Variants in RPL6 observed in about 807,000 individuals in gnomAD.
RPL6 encodes the protein ribosomal protein L6.
RPL6 carries 1 observed loss-of-function variant against 32.1 expected under a neutral mutation model. That is an observed-to-expected ratio of 0.03 (90% CI 0.01 to 0.15). RPL6 has a LOEUF of 0.15. RPL6 is among the 10% of genes least tolerant of loss of function. The pLI is 1.00. For missense variants in RPL6, 275 were observed against 354.6 expected (o/e 0.78, Z 1.80); for synonymous variants, 126 against 131.6 (o/e 0.96, Z 0.29).
At chr12:112,418,766 TG>T (rs1790518705) in exon 1 of RPL6, 3 of 412,146 alleles carry the variant, frequency 7.3e-6, no homozygotes, top group Non-Finnish European at 1.3e-5. Flanking sequence ...AAGGATGCTT[TG>T]GACACTGTGC....
At chr12:112,409,630 A>C (rs937935312), upstream of RPL6, 3 of 397,422 alleles carry the variant, frequency 7.5e-6, no homozygotes, top group Non-Finnish European at 1.3e-5. Context: ...CTTCCGGTCT[A>C]TAAGCAATCA....
chr12:112,410,366 A>C (rs2037321311), upstream of RPL6: 2 of 269,570 alleles, frequency 7.4e-6, no homozygotes, highest in African/African-American at 4.5e-5. Context: ...GGCCTTTCTC[A>C]TTCCCGTCCT....
At chr12:112,416,133 ATTT>A (rs1168421826) in intron 1 of RPL6, among the ~76,000 whole-genome samples, 2 of 51,050 alleles carry the variant, frequency 3.9e-5, no homozygotes, top group African/African-American at 8.1e-5. Flanking sequence ...TAAATTTTGT[ATTT>A]TTTTTTTTTT....
intron 1 of RPL6, 62 bp from the exon 2 acceptor site, chr12:112,408,718 A>C (rs1282254774): frequency 1.4e-6 from 2 of 1,403,720 alleles, no homozygotes. Context: ...TAACAAGACA[A>C]TAATGAACCT....
At chr12:112,405,469 C>A in intron 6 of RPL6, 93 bp from the exon 7 acceptor site, 1 of 1,236,952 alleles carries the variant, frequency 8.1e-7, no homozygotes, top group Non-Finnish European at 1.1e-6. Flanking sequence ...GTACTAATCC[C>A]CAAGAATATT....
intron 3 of RPL6, chr12:112,407,690 CTATG>C (rs1396725232): frequency 6.4e-6 from 1 of 155,682 alleles, no homozygotes; most frequent in African/African-American, 2.4e-5. Context: ...ATAGAACAGG[CTATG>C]TATTATTTCA....
chr12:112,406,558 C>T lies in RPL6; in HGVS notation c.480+189G>A, dbSNP rs990280422. ...TGAACATGTGTAACATAATCAACAGCAGGAAATGGCTAATAAATCACCATG... is the reference window on the plus strand; with the variant it reads ...TGAACATGTGTAACATAATCAACAGTAGGAAATGGCTAATAAATCACCATG... On this transcript the variant is annotated intron_variant, in intron 4 of 6. Transcript: ENST00000202773. 3.5e-6 allele frequency: 3 copies of T among 860,970 alleles called. No homozygotes were observed. The African/African-American group carries it at 5.1e-5, about 15-fold the overall frequency. The allele number at this position is 860,970 out of a possible 1,614,324, so 53.3% of individuals were successfully genotyped here.
chr12:112,405,277 G>C lies in RPL6; in HGVS notation c.814C>G (p.Arg272Gly). Residue 272 changes from arginine to glycine, a missense_variant, in exon 7 of 7, where the codon CGA becomes GGA. Coordinates refer to ENST00000202773, the MANE Select transcript of RPL6 (RefSeq NM_000970.6). ...KAIPQLQGYL[R>G]SVFALTNGIY... ...CCATTCGTCAGAGCAAACACAGATC[G>C]CAGGTAGCCCTGGAGCTGAGGAATA... The C allele has an allele frequency of 6.2e-7, 1 of 1,606,740 alleles. No homozygotes were observed. Among genetic ancestry groups the C allele is most frequent in the Non-Finnish European group, 8.5e-7 (1 of 1,177,520 alleles).
exon 1 of RPL6, chr12:112,418,814 G>T: frequency 2.1e-6 from 1 of 469,654 alleles, no homozygotes; most frequent in Non-Finnish European, 3.8e-6. Context: ...TGCCATTCCC[G>T]GCCGTCGCTC....
At chr12:112,405,464 A>T (rs2135792482) in intron 6 of RPL6, 88 bp from the exon 7 acceptor site, 2 of 1,250,592 alleles carry the variant, frequency 1.6e-6, no homozygotes, top group Middle Eastern at 3.8e-4. Flanking sequence ...CACAAGTACT[A>T]ATCCCCAAGA....
chr12:112,405,951 C>A lies in RPL6; in HGVS notation c.616G>T (p.Val206Leu). The A allele has an allele frequency of 1.2e-6, 2 of 1,614,076 alleles. No homozygotes were observed. The highest frequency in any genetic ancestry group is 1.7e-6 in the Non-Finnish European group (2 of 1,179,986). Residue 206 changes from valine (V) to leucine (L), a missense_variant, in exon 6 of 7, where the codon GTA (valine) becomes TTA (leucine). Val to Leu is a conservative substitution (Grantham distance 32). Transcript: ENST00000202773. ...TCAGTAAGATGTTTTGGGATTTTTACATTGCTGATATCGATTTTGGTTGAA... is the reference window on the plus strand; with the variant it reads ...TCAGTAAGATGTTTTGGGATTTTTAAATTGCTGATATCGATTTTGGTTGAA... ...ATSTKIDISNVKIPKHLTDAY... is the reference protein window; with the variant it reads ...ATSTKIDISNLKIPKHLTDAY...
upstream of RPL6, chr12:112,411,576 T>C (rs997717782): frequency 3.3e-5 from 5 of 152,186 alleles, no homozygotes; most frequent in Non-Finnish European, 7.3e-5. Context: ...TGTACCACAA[T>C]GAATGAATGA....
At chr12:112,417,723 T>G (rs1233143788) in intron 1 of RPL6, among the ~76,000 whole-genome samples, 2 of 151,684 alleles carry the variant, frequency 1.3e-5, no homozygotes, top group Non-Finnish European at 2.9e-5. Context: ...AGTGGCGCGA[T>G]CTCGGCTTTC....
upstream of RPL6, among the ~76,000 whole-genome samples, chr12:112,410,850 C>T (rs2037333419): frequency 6.6e-6 from 1 of 152,134 alleles, no homozygotes; most frequent in African/African-American, 2.4e-5. Flanking sequence ...GCTAGGATTA[C>T]AGGCGTGAGC....
chr12:112,417,617 G>A lies in RPL6; in HGVS notation c.-229+1111C>T, dbSNP rs1395282690. On this transcript the variant is annotated intron_variant, in intron 1 of 5. Coordinates refer to the RPL6 transcript ENST00000551291. ...AGACATGGTCGCACCATGTTGCCCA[G>A]GCTGGTCTTGAACTCCTAGGCTCAA... 4.6e-5 allele frequency among the ~76,000 whole-genome samples: 6 copies of A among 130,970 alleles called. 1 individual carries two copies. The highest frequency in any genetic ancestry group is 6.2e-5 in the Non-Finnish European group (4 of 65,000). 85.9% of individuals were successfully genotyped at this position (130,970 alleles called of 152,430 possible). A position where few individuals can be genotyped will look rare whatever the true frequency, so the allele number is the denominator to read the frequency against.
In RPL6 at chr12:112,406,074, G is replaced by T. The variant is rs377188721; in HGVS notation, c.530-37C>A. 1.4e-5 allele frequency: 21 copies of T among 1,547,372 alleles called. No homozygotes were observed. The African/African-American group carries it at 2.3e-4, about 17-fold the overall frequency. ...AAATTAATTTAGCAAGGAAAAGGGG[G>T]AAGAATCATCATCCTGCAATTTAGG... On this transcript the variant is annotated intron_variant, in intron 5 of 6. Transcript: ENST00000202773.
At chr12:112,409,259 T>G in intron 1 of RPL6, 1 of 387,058 alleles carries the variant, frequency 2.6e-6, no homozygotes, top group Non-Finnish European at 4.6e-6. Flanking sequence ...TGTCATCCTC[T>G]GGAACCCAGG....
At chr12:112,405,463 T>C (rs751401290) in intron 6 of RPL6, 87 bp from the exon 7 acceptor site, 66 of 1,286,976 alleles carry the variant, frequency 5.1e-5, no homozygotes, top group South Asian at 1.7e-4. Context: ...TCACAAGTAC[T>C]AATCCCCAAG....
intron 6 of RPL6, 72 bp downstream of exon 6, chr12:112,405,781 T>C: frequency 1.6e-6 from 2 of 1,252,436 alleles, no homozygotes; most frequent in Non-Finnish European, 2.2e-6. Context: ...CTTCTTTTTG[T>C]GCAACCTGTT....
Sources: gnomAD v4.1 joint callset for allele counts (sites outside exome capture counted in the v4.1 genomes callset) on GRCh38, gnomAD v4.1.1 for gene constraint, MANE v1.5 for transcripts, NCBI Gene and HGNC (gene_info 2026-07-23, HGNC 2026-07-21) for gene names.